IMMP2L: variants seen among roughly 807,000 people sequenced by gnomAD.
IMMP2L encodes the protein mitochondrial inner membrane protease subunit 2.
In IMMP2L, 18 loss-of-function variants were observed where a neutral mutation model predicts 19.3. The ratio of observed to expected loss-of-function variants is 0.93; its 90% CI spans 0.64 to 1.38. The LOEUF is 1.38. IMMP2L is among the 40% of genes most tolerant of loss of function. The pLI is 0.00. For synonymous variants in IMMP2L, 76 were observed against 73.0 expected (o/e 1.04, Z -0.21); for missense variants, 233 against 218.2 (o/e 1.07, Z -0.43).
intron 3 of IMMP2L, among the ~76,000 whole-genome samples, chr7:111,473,003 T>C (rs1334845368): frequency 6.6e-6 from 1 of 152,140 alleles, no homozygotes; most frequent in African/African-American, 2.4e-5. Context: ...TGAAGATTAT[T>C]TGATTAAGCA....
chr7:110,881,159 A>G (rs1809597259), intron 5 of IMMP2L, among the ~76,000 whole-genome samples: 1 of 152,072 alleles, frequency 6.6e-6, no homozygotes, highest in South Asian at 2.1e-4. Flanking sequence ...CTGCATGGAC[A>G]TTTCTTGGTG....
intron 5 of IMMP2L, among the ~76,000 whole-genome samples, chr7:110,770,683 T>C (rs1010154172): frequency 6.6e-6 from 1 of 152,234 alleles, no homozygotes; most frequent in African/African-American, 2.4e-5. Context: ...CTGTACTGTG[T>C]TCTTATTTGG....
At chr7:110,742,643 C>T (rs1797059341) in intron 5 of IMMP2L, among the ~76,000 whole-genome samples, 1 of 151,876 alleles carries the variant, frequency 6.6e-6, no homozygotes, top group South Asian at 2.1e-4. Flanking sequence ...TGGTGGGCAC[C>T]TGTAATCCCA....
At chr7:111,218,628 C>A (rs936552890) in intron 3 of IMMP2L, among the ~76,000 whole-genome samples, 1 of 151,956 alleles carries the variant, frequency 6.6e-6, no homozygotes, top group Non-Finnish European at 1.5e-5. Context: ...GTGAAAGTCT[C>A]GAGATGGGAG....
chr7:111,392,748 AG>A (rs1737350960), intron 3 of IMMP2L: 2 of 456,480 alleles, frequency 4.4e-6, no homozygotes, highest in Admixed American at 4.7e-5. Context: ...CCCTCACTTC[AG>A]GTTCAGTAAT....
At chr7:110,691,780 G>A (rs1793524748) in intron 5 of IMMP2L, among the ~76,000 whole-genome samples, 1 of 152,070 alleles carries the variant, frequency 6.6e-6, no homozygotes, top group Non-Finnish European at 1.5e-5. Context: ...CAGCCAAGAT[G>A]GCCATTATTA....
At chr7:111,309,057 G>T (rs183340139) in intron 3 of IMMP2L, among the ~76,000 whole-genome samples, 1 of 152,036 alleles carries the variant, frequency 6.6e-6, no homozygotes, top group Admixed American at 6.6e-5. Flanking sequence ...GTACAGAACC[G>T]CACCTGCATA....
intron 3 of IMMP2L, among the ~76,000 whole-genome samples, chr7:111,387,537 C>T (rs776820433): frequency 4.6e-5 from 7 of 152,254 alleles, no homozygotes; most frequent in Non-Finnish European, 1.0e-4. Context: ...CCTGCCTTAA[C>T]AATATAGATG....
chr7:111,047,610 G>A lies in IMMP2L; in HGVS notation c.240-84045C>T, dbSNP rs116270076. 9.6e-3 allele frequency among the ~76,000 whole-genome samples: 1,459 copies of A among 152,030 alleles called. 24 individuals carry two copies. The highest frequency in any genetic ancestry group is 0.033 in the African/African-American group (1,376 of 41,446). On this transcript the variant is annotated intron_variant, in intron 3 of 5. Coordinates refer to ENST00000405709, the MANE Select transcript of IMMP2L (RefSeq NM_032549.4). ...ATTCTATGACCCTCCTTTTCTCACC[G>A]TATGTACTCCCTTCACACTCATCTA...
At chr7:110,825,225 T>C (rs1398238751) in intron 5 of IMMP2L, among the ~76,000 whole-genome samples, 5 of 152,118 alleles carry the variant, frequency 3.3e-5, no homozygotes, top group Non-Finnish European at 7.4e-5. Context: ...CGCTCATGGA[T>C]AGGAAGAATC....
intron 3 of IMMP2L, among the ~76,000 whole-genome samples, chr7:111,154,619 T>C (rs565873250): frequency 1.3e-5 from 2 of 152,318 alleles, no homozygotes; most frequent in Admixed American, 6.5e-5. Flanking sequence ...TGTAAGAGCC[T>C]CATTGCTCCA....
chr7:111,071,267 AAC>A (rs1794924534), intron 3 of IMMP2L, among the ~76,000 whole-genome samples: 1 of 152,192 alleles, frequency 6.6e-6, no homozygotes, highest in African/African-American at 2.4e-5. Flanking sequence ...GAAGAAATGT[AAC>A]CCTCATACAT....
At chr7:111,458,917 T>C (rs1387983249) in intron 3 of IMMP2L, among the ~76,000 whole-genome samples, 1 of 152,168 alleles carries the variant, frequency 6.6e-6, no homozygotes, top group African/African-American at 2.4e-5. Context: ...CCTAATCTCC[T>C]TGTATATAAA....
At chr7:110,856,749 C>T (rs1806822289) in intron 5 of IMMP2L, among the ~76,000 whole-genome samples, 1 of 151,920 alleles carries the variant, frequency 6.6e-6, no homozygotes, top group East Asian at 1.9e-4. Context: ...ACCGATTAAC[C>T]AACAGAGGCT....
intron 3 of IMMP2L, among the ~76,000 whole-genome samples, chr7:111,023,509 T>A (rs1182550994): frequency 6.7e-6 from 1 of 148,582 alleles, no homozygotes; most frequent in African/African-American, 2.5e-5. Context: ...AAGACCAGCC[T>A]GGCCAAATCG....
chr7:111,250,255 G>T (rs1023595975), intron 3 of IMMP2L, among the ~76,000 whole-genome samples: 1 of 151,868 alleles, frequency 6.6e-6, no homozygotes, highest in African/African-American at 2.4e-5. Flanking sequence ...AGAAATCAAA[G>T]GACACAAATA....
chr7:111,526,799 C>G (rs1247055871), intron 1 of IMMP2L, among the ~76,000 whole-genome samples: 2 of 152,140 alleles, frequency 1.3e-5, no homozygotes, highest in Non-Finnish European at 2.9e-5. Flanking sequence ...CTTTGCTGTT[C>G]ATCATGCCCT....
At chr7:111,342,775 T>G (rs1827153973) in intron 3 of IMMP2L, among the ~76,000 whole-genome samples, 1 of 152,118 alleles carries the variant, frequency 6.6e-6, no homozygotes, top group Admixed American at 6.6e-5. Context: ...CAACTTTCAC[T>G]GTAATTCTAG....
chr7:111,000,010 C>A (rs987537812), intron 3 of IMMP2L, among the ~76,000 whole-genome samples: 2 of 152,162 alleles, frequency 1.3e-5, no homozygotes, highest in African/African-American at 4.8e-5. Flanking sequence ...AATATCCACA[C>A]TAAAAGCCTG....
Sources: allele counts gnomAD v4.1 joint callset (sites outside exome capture counted in the v4.1 genomes callset), GRCh38; gene constraint gnomAD v4.1.1; transcripts MANE v1.5; gene names NCBI Gene and HGNC (gene_info 2026-07-23, HGNC 2026-07-21).